The following PARN variants were observed in gnomAD, a reference collection of about 807,000 sequenced individuals.
The protein encoded by PARN is poly(A)-specific ribonuclease PARN.
Under a neutral mutation model 102.8 loss-of-function variants are expected in PARN, and 71 were observed. That is an observed-to-expected ratio of 0.69 (90% CI 0.57 to 0.84). PARN has a LOEUF of 0.84. Among genes scored for constraint, PARN ranks in the 40% least tolerant of loss-of-function variants. The pLI, the probability that PARN is intolerant of heterozygous loss-of-function variation, is 0.00. For missense variants in PARN, 782 were observed against 760.9 expected (o/e 1.03, Z -0.33); for synonymous variants, 261 against 252.9 (o/e 1.03, Z -0.30).
At chr16:14,554,935 T>G (rs1967567538) in intron 19 of PARN, among the ~76,000 whole-genome samples, 1 of 152,348 alleles carries the variant, frequency 6.6e-6, no homozygotes, top group Middle Eastern at 3.4e-3. Flanking sequence ...AGAACTTATT[T>G]GTGCAGCTCT....
intron 21 of PARN, among the ~76,000 whole-genome samples, chr16:14,546,825 G>C (rs1025401365): frequency 1.3e-5 from 2 of 152,168 alleles, no homozygotes; most frequent in Non-Finnish European, 2.9e-5. Flanking sequence ...TTCCTGGCCA[G>C]GGACAGTGGC....
At chr16:14,546,712 A>G (rs533584615) in intron 21 of PARN, among the ~76,000 whole-genome samples, 1 of 152,332 alleles carries the variant, frequency 6.6e-6, no homozygotes, top group Non-Finnish European at 1.5e-5. Flanking sequence ...GTTCTACTAC[A>G]TTTGAAATAT....
At chr16:14,486,896 G>A (rs1438492244) in intron 21 of PARN, among the ~76,000 whole-genome samples, 2 of 152,214 alleles carry the variant, frequency 1.3e-5, no homozygotes, top group African/African-American at 2.4e-5. Flanking sequence ...GCAATCTATC[G>A]GTCTTGCCAC....
chr16:14,622,047 G>A (rs1185703747), intron 5 of PARN, among the ~76,000 whole-genome samples: 2 of 151,842 alleles, frequency 1.3e-5, no homozygotes, highest in African/African-American at 4.8e-5. Context: ...ACAAAAATTA[G>A]CCAGGCATGG....
intron 21 of PARN, among the ~76,000 whole-genome samples, chr16:14,534,713 T>A (rs748811182): frequency 3.9e-5 from 6 of 152,184 alleles, no homozygotes; most frequent in Non-Finnish European, 8.8e-5. Context: ...TGGCCTCTGA[T>A]GCAATTTGAA....
chr16:14,443,924 C>T (rs1961072947), intron 23 of PARN, among the ~76,000 whole-genome samples: 2 of 152,126 alleles, frequency 1.3e-5, no homozygotes, highest in Middle Eastern at 3.2e-3. Flanking sequence ...GACTTTGTCG[C>T]GCCGTGCCTA....
intron 22 of PARN, among the ~76,000 whole-genome samples, chr16:14,480,184 T>C (rs1260390002): frequency 6.6e-6 from 1 of 151,744 alleles, no homozygotes; most frequent in African/African-American, 2.4e-5. Context: ...AAAACAAAAA[T>C]TACGCGGGCG....
intron 22 of PARN, among the ~76,000 whole-genome samples, chr16:14,451,851 A>AG: frequency 1.2e-5 from 1 of 83,264 alleles, no homozygotes; most frequent in African/African-American, 5.6e-5. Context: ...TCTAAAAAAA[A>AG]AAAAAAAAAA....
At chr16:14,584,163 A>G (rs1013232057) in intron 16 of PARN, among the ~76,000 whole-genome samples, 184 bp downstream of exon 16, 4 of 152,244 alleles carry the variant, frequency 2.6e-5, no homozygotes, top group African/African-American at 9.6e-5. Flanking sequence ...CATAAAATAT[A>G]TGTAGAATTA....
chr16:14,438,445 G>GGC (rs1960806207), intron 23 of PARN, among the ~76,000 whole-genome samples: 1 of 150,686 alleles, frequency 6.6e-6, no homozygotes, highest in Non-Finnish European at 1.5e-5. Flanking sequence ...ATTAGTTGGG[G>GGC]GGGGGGGTGT....
chr16:14,457,940 G>C (rs1308091925), intron 22 of PARN, among the ~76,000 whole-genome samples: 3 of 151,492 alleles, frequency 2.0e-5, no homozygotes, highest in Non-Finnish European at 2.9e-5. Flanking sequence ...GGGTGTGTGT[G>C]TGTGTGTGAG....
intron 21 of PARN, among the ~76,000 whole-genome samples, chr16:14,508,903 A>AATAT (rs146075087): frequency 1.2e-4 from 18 of 149,128 alleles, no homozygotes; most frequent in Non-Finnish European, 1.6e-4. Flanking sequence ...CTTAATTTAA[A>AATAT]ATATATATAT....
chr16:14,518,739 T>G (rs2151648240), intron 21 of PARN, among the ~76,000 whole-genome samples: 1 of 152,336 alleles, frequency 6.6e-6, no homozygotes, highest in Middle Eastern at 3.4e-3. Flanking sequence ...AAATCTAGAC[T>G]TTTTTCAATA....
intron 21 of PARN, among the ~76,000 whole-genome samples, chr16:14,522,768 G>C (rs1482098374): frequency 6.6e-6 from 1 of 152,158 alleles, no homozygotes; most frequent in Non-Finnish European, 1.5e-5. Flanking sequence ...ACAACAACCA[G>C]CCCAGAGAAA....
At chr16:14,445,726 C>T (rs1222651677) in intron 23 of PARN, among the ~76,000 whole-genome samples, 1 of 152,190 alleles carries the variant, frequency 6.6e-6, no homozygotes. Context: ...CCACACCTGG[C>T]TAATTTTTTG....
intron 22 of PARN, among the ~76,000 whole-genome samples, chr16:14,474,565 G>C (rs998197705): frequency 5.9e-5 from 9 of 152,194 alleles, no homozygotes; most frequent in African/African-American, 2.2e-4. Flanking sequence ...TTAAGAGCCA[G>C]AAGGGACGTC....
intron 5 of PARN, among the ~76,000 whole-genome samples, chr16:14,626,681 G>A (rs533230487): frequency 1.3e-4 from 20 of 150,598 alleles, no homozygotes; most frequent in Admixed American, 1.1e-3. Flanking sequence ...GCGTGATCTC[G>A]GCTCACTGCA....
At chr16:14,438,871 G>C (rs1387760548) in intron 23 of PARN, among the ~76,000 whole-genome samples, 1 of 152,208 alleles carries the variant, frequency 6.6e-6, no homozygotes, top group African/African-American at 2.4e-5. Flanking sequence ...ACCCGGACCA[G>C]AGGGGAAATG....
chr16:14,609,796 G>A (rs1440401776), intron 7 of PARN, among the ~76,000 whole-genome samples: 1 of 152,196 alleles, frequency 6.6e-6, no homozygotes, highest in Non-Finnish European at 1.5e-5. Flanking sequence ...CAAGCAAAGA[G>A]AACATGGACA....
Sources: gnomAD v4.1 joint callset for allele counts (sites outside exome capture counted in the v4.1 genomes callset) on GRCh38, gnomAD v4.1.1 for gene constraint, MANE v1.5 for transcripts, NCBI Gene and HGNC (gene_info 2026-07-23, HGNC 2026-07-21) for gene names.